The following TSPAN1 variants were observed in gnomAD, a reference collection of about 807,000 sequenced individuals.
TSPAN1 encodes tetraspanin-1.
A neutral mutation model predicts 26.9 loss-of-function variants in TSPAN1; 23 were observed. The ratio of observed to expected loss-of-function variants is 0.85; its 90% CI spans 0.62 to 1.21. The LOEUF (loss-of-function observed/expected upper bound fraction) is 1.21. Ranked by LOEUF, TSPAN1 falls within the 50% of genes most tolerant of loss-of-function variation. TSPAN1 has a pLI of 0.00. For missense variants in TSPAN1, 283 were observed against 298.4 expected, an observed-to-expected ratio of 0.95 and a Z score of 0.38; for synonymous variants, 115 against 114.8, an observed-to-expected ratio of 1.00 and a Z score of -0.01.
the TSPAN1 span, chr1:46,193,689 G>A: frequency 2.5e-6 from 4 of 1,612,814 alleles, no homozygotes; most frequent in Non-Finnish European, 2.5e-6. Context: ...CCTCAACTCA[G>A]GTTCCCCTGT....
downstream of TSPAN1, among the ~76,000 whole-genome samples, chr1:46,187,344 G>A (rs145992214): frequency 1.1e-3 from 169 of 152,282 alleles, no homozygotes; most frequent in African/African-American, 3.5e-3. Flanking sequence ...AGCCAGGAGT[G>A]AGAGGCCTGA....
the TSPAN1 span, chr1:46,194,204 G>C: frequency 1.2e-6 from 2 of 1,613,304 alleles, no homozygotes; most frequent in East Asian, 2.2e-5. Flanking sequence ...GCCCAACCTA[G>C]ATCATTCCTG....
the TSPAN1 span, chr1:46,193,799 A>G: frequency 2.2e-5 from 36 of 1,609,378 alleles, no homozygotes; most frequent in Non-Finnish European, 3.1e-5. Context: ...TCCTGGAGGT[A>G]GATGACCTAA....
At chr1:46,190,916 G>A (rs543246831), downstream of TSPAN1, 50 of 836,866 alleles carry the variant, frequency 6.0e-5, no homozygotes, top group Admixed American at 1.2e-4. Context: ...ATTTCCCACC[G>A]TCTTCTCCAT....
chr1:46,180,454 G>C (rs1198142186), intron 1 of TSPAN1, 72 bp from the exon 2 acceptor site: 1 of 152,562 alleles, frequency 6.6e-6, no homozygotes, highest in Non-Finnish European at 1.5e-5. Context: ...GGGTCAAGGA[G>C]AGGCTAACTG....
downstream of TSPAN1, chr1:46,190,212 T>C (rs1571648909): frequency 1.6e-6 from 1 of 641,634 alleles, no homozygotes; most frequent in East Asian, 2.9e-5. Flanking sequence ...GCCCGGCTAA[T>C]TTTTTGTATT....
the TSPAN1 span, chr1:46,194,246 A>G: frequency 3.7e-6 from 6 of 1,614,146 alleles, no homozygotes; most frequent in Non-Finnish European, 5.1e-6. Flanking sequence ...AAGGAGTCCA[A>G]ACCTCACTGT....
chr1:46,184,075 G>C, intron 3 of TSPAN1, 116 bp from the exon 4 acceptor site: 1 of 1,120,806 alleles, frequency 8.9e-7, no homozygotes, highest in Non-Finnish European at 1.3e-6. Flanking sequence ...TGAGGTTTTA[G>C]ACTCCCTAGC....
intron 3 of TSPAN1, among the ~76,000 whole-genome samples, chr1:46,181,856 A>T (rs1657321881): frequency 6.6e-6 from 1 of 152,226 alleles, no homozygotes; most frequent in South Asian, 2.1e-4. Context: ...TGGGGGAGTT[A>T]TAAAGCATGC....
At chr1:46,192,604 G>T in the TSPAN1 span, 1 of 1,613,626 alleles carries the variant, frequency 6.2e-7, no homozygotes, top group East Asian at 2.2e-5. Flanking sequence ...AGAGAGGCAG[G>T]GTCAAAGAGT....
chr1:46,194,134 G>A, the TSPAN1 span: 3 of 1,553,168 alleles, frequency 1.9e-6, no homozygotes, highest in Non-Finnish European at 2.6e-6. Flanking sequence ...CCCCAGCCCT[G>A]TCTTTCAGAG....
intron 1 of TSPAN1, among the ~76,000 whole-genome samples, chr1:46,178,855 AT>A (rs2148136993): frequency 6.6e-6 from 1 of 152,350 alleles, no homozygotes; most frequent in East Asian, 1.9e-4. Flanking sequence ...ATATTTAAAA[AT>A]GGAGATCAGA....
Position 46,181,096 on chromosome 1 carries a change from C to T in TSPAN1, c.-8-4C>T. The T allele has an allele frequency of 1.9e-6, 3 of 1,613,708 alleles. No homozygotes were observed. The highest frequency in any genetic ancestry group is 1.7e-4 in the Middle Eastern group (1 of 6,004). ...GCCCTAACTTGCACATGTCTACCTC[C>T]CAGGAGCCACCATGCAGTGCTTCAG... On this transcript the variant is annotated splice_polypyrimidine_tract_variant and splice_region_variant and intron_variant, in intron 2 of 8. Transcript: ENST00000372003.
the TSPAN1 span, chr1:46,192,981 TGGTCCCAAA>T: frequency 1.2e-6 from 2 of 1,613,488 alleles, no homozygotes; most frequent in Non-Finnish European, 1.7e-6. Flanking sequence ...TGGGACATCA[TGGTCCCAAA>T]GGGGTCTCTC....
chr1:46,188,741 A>T (rs774668767), downstream of TSPAN1: 16 of 1,609,528 alleles, frequency 9.9e-6, no homozygotes, highest in Non-Finnish European at 1.4e-5. Flanking sequence ...GGAAATCTGG[A>T]CAAAGAGAAG....
intron 8 of TSPAN1, 52 bp downstream of exon 8, chr1:46,185,360 CT>C: frequency 6.2e-7 from 1 of 1,610,758 alleles, no homozygotes; most frequent in Non-Finnish European, 8.5e-7. Context: ...ACCAGGGCTG[CT>C]CAACCCATCT....
intron 1 of TSPAN1, among the ~76,000 whole-genome samples, chr1:46,177,294 C>A (rs1657196439): frequency 6.6e-6 from 1 of 151,466 alleles, no homozygotes; most frequent in South Asian, 2.1e-4. Context: ...CAGATTGCAC[C>A]ATTGCACTCC....
At chr1:46,186,221 C>A (rs1437747823), downstream of TSPAN1, among the ~76,000 whole-genome samples, 1 of 152,152 alleles carries the variant, frequency 6.6e-6, no homozygotes, top group Non-Finnish European at 1.5e-5. Flanking sequence ...GAAACTACCC[C>A]CTCCTGGGTA....
chr1:46,194,443 A>C, the TSPAN1 span: 1 of 1,614,048 alleles, frequency 6.2e-7, no homozygotes, highest in Non-Finnish European at 8.5e-7. Context: ...TGGGGCCAGC[A>C]AGGTTTGAAG....
Sources: gnomAD v4.1 joint callset for allele counts (sites outside exome capture counted in the v4.1 genomes callset) on GRCh38, gnomAD v4.1.1 for gene constraint, MANE v1.5 for transcripts, NCBI Gene and HGNC (gene_info 2026-07-23, HGNC 2026-07-21) for gene names.